The following SCHIP1 variants were observed in gnomAD, a reference collection of about 807,000 sequenced individuals.
SCHIP1 encodes the protein schwannomin-interacting protein 1.
A neutral mutation model predicts 29.7 loss-of-function variants in SCHIP1; 8 were observed. That is an observed-to-expected ratio of 0.27 (90% CI 0.16 to 0.49). The LOEUF is 0.49. Among genes scored for constraint, SCHIP1 ranks in the 20% least tolerant of loss-of-function variants. SCHIP1 has a pLI of 0.99. For missense variants in SCHIP1, 193 were observed against 294.6 expected (o/e 0.66, Z 2.52); for synonymous variants, 76 against 94.9 (o/e 0.80, Z 1.16).
the SCHIP1 span, among the ~76,000 whole-genome samples, chr3:159,669,396 T>C: frequency 6.6e-6 from 1 of 152,252 alleles, no homozygotes; most frequent in African/African-American, 2.4e-5. Context: ...GGCAGTCTAC[T>C]ATTCACGTCA....
At chr3:159,839,812 A>T, upstream of SCHIP1, 1 of 1,095,422 alleles carries the variant, frequency 9.1e-7, no homozygotes, top group Non-Finnish European at 1.2e-6. Flanking sequence ...CACATCAGTT[A>T]ACTGCCTTCA....
chr3:159,392,489 G>C, the SCHIP1 span, among the ~76,000 whole-genome samples: 1 of 140,620 alleles, frequency 7.1e-6, no homozygotes, highest in Admixed American at 7.5e-5. Flanking sequence ...AGGCCCCAGA[G>C]TGTGTTCCCC....
chr3:159,496,891 G>A, the SCHIP1 span, among the ~76,000 whole-genome samples: 170 of 152,310 alleles, frequency 1.1e-3, no homozygotes, highest in Non-Finnish European at 2.3e-3. Context: ...TTAAGAAAAT[G>A]TGGCACATAT....
At chr3:159,613,598 G>A in the SCHIP1 span, among the ~76,000 whole-genome samples, 1 of 152,132 alleles carries the variant, frequency 6.6e-6, no homozygotes, top group Non-Finnish European at 1.5e-5. Flanking sequence ...AACTTAAGAT[G>A]CATCCTGACA....
the SCHIP1 span, among the ~76,000 whole-genome samples, chr3:159,467,774 G>C: frequency 1.3e-5 from 2 of 152,070 alleles, no homozygotes; most frequent in Non-Finnish European, 2.9e-5. Context: ...TAAATTAATT[G>C]ATTTTCCAGC....
At chr3:159,478,762 T>A in the SCHIP1 span, among the ~76,000 whole-genome samples, 15 of 152,166 alleles carry the variant, frequency 9.9e-5, no homozygotes, top group African/African-American at 3.6e-4. Flanking sequence ...CATCAGCATA[T>A]TACAGGTCTT....
At chr3:159,568,001 T>A in the SCHIP1 span, among the ~76,000 whole-genome samples, 1 of 152,138 alleles carries the variant, frequency 6.6e-6, no homozygotes, top group Non-Finnish European at 1.5e-5. Flanking sequence ...ATTTTTACCA[T>A]ACACTTCATG....
chr3:159,393,994 C>T, the SCHIP1 span, among the ~76,000 whole-genome samples: 2 of 151,972 alleles, frequency 1.3e-5, no homozygotes, highest in Admixed American at 6.6e-5. Flanking sequence ...TCTCATTGAG[C>T]AATGGTTTGT....
chr3:159,388,722 G>A, the SCHIP1 span, among the ~76,000 whole-genome samples: 1 of 151,984 alleles, frequency 6.6e-6, no homozygotes, highest in East Asian at 1.9e-4. Context: ...ATAAACAATA[G>A]ATCAATGATA....
rs1288161531 is a variant in SCHIP1 at position 159,886,341 on chromosome 3, C to A, written c.267+17C>A. 6 of 1,608,168 alleles carry A rather than the reference C, an allele frequency of 3.7e-6. No individual in the cohort carries two copies. The highest frequency in any genetic ancestry group is 1.7e-4 in the Middle Eastern group (1 of 5,932). On this transcript the variant is annotated intron_variant, in intron 3 of 6. Coordinates refer to ENST00000445224, the Ensembl canonical transcript of SCHIP1. ...TCTCCCATGGTGAGTCCAAACAGCA[C>A]CAGCTGAAGCTCGGTGTTGTGATTT...
At chr3:159,439,906 C>T in the SCHIP1 span, among the ~76,000 whole-genome samples, 2 of 151,978 alleles carry the variant, frequency 1.3e-5, no homozygotes, top group Admixed American at 6.6e-5. Flanking sequence ...CATAATGTAA[C>T]TAGATCCTGT....
intron 1 of SCHIP1, among the ~76,000 whole-genome samples, chr3:159,854,100 C>T (rs903923557): frequency 2.6e-5 from 4 of 152,190 alleles, no homozygotes; most frequent in African/African-American, 9.7e-5. Context: ...CTATGTCCTT[C>T]CCTCTTCATT....
At chr3:159,810,483 C>T in the SCHIP1 span, among the ~76,000 whole-genome samples, 2 of 152,112 alleles carry the variant, frequency 1.3e-5, no homozygotes, top group Admixed American at 1.3e-4. Context: ...CTCATTCCTA[C>T]TACCAGGCCA....
chr3:159,627,355 C>T, the SCHIP1 span, among the ~76,000 whole-genome samples: 7 of 152,168 alleles, frequency 4.6e-5, no homozygotes, highest in Admixed American at 4.6e-4. Context: ...ATTTTATCCA[C>T]AGGAATGGCC....
the SCHIP1 span, among the ~76,000 whole-genome samples, chr3:159,642,020 A>C: frequency 6.6e-6 from 1 of 152,150 alleles, no homozygotes; most frequent in Admixed American, 6.6e-5. Flanking sequence ...ATTTAGAGCC[A>C]GAGGACCTGG....
At chr3:159,570,555 G>A in the SCHIP1 span, among the ~76,000 whole-genome samples, 1 of 152,204 alleles carries the variant, frequency 6.6e-6, no homozygotes, top group Non-Finnish European at 1.5e-5. Flanking sequence ...TAGCCTTGTA[G>A]TATAGTTTGA....
the SCHIP1 span, among the ~76,000 whole-genome samples, chr3:159,695,571 G>A: frequency 2.0e-5 from 3 of 152,148 alleles, no homozygotes; most frequent in African/African-American, 2.4e-5. Context: ...GAGAATCAAG[G>A]CACCATGTGG....
chr3:159,701,345 T>C, the SCHIP1 span, among the ~76,000 whole-genome samples: 1 of 152,172 alleles, frequency 6.6e-6, no homozygotes, highest in African/African-American at 2.4e-5. Flanking sequence ...AGAGTTCCTA[T>C]ATACCCCTGC....
At chr3:159,716,920 A>C in the SCHIP1 span, among the ~76,000 whole-genome samples, 1 of 152,226 alleles carries the variant, frequency 6.6e-6, no homozygotes, top group African/African-American at 2.4e-5. Flanking sequence ...CTCCTCCCCA[A>C]ATCAACAGAA....
Sources: gnomAD v4.1 joint callset for allele counts (sites outside exome capture counted in the v4.1 genomes callset) on GRCh38, gnomAD v4.1.1 for gene constraint, MANE v1.5 for transcripts, NCBI Gene and HGNC (gene_info 2026-07-23, HGNC 2026-07-21) for gene names.